Variants in PPARGC1A observed in about 807,000 individuals in gnomAD.
PPARGC1A encodes the protein peroxisome proliferator-activated receptor gamma coactivator 1-alpha.
A neutral mutation model predicts 88.7 loss-of-function variants in PPARGC1A; 25 were observed. The ratio of observed to expected loss-of-function variants is 0.28; its 90% CI spans 0.21 to 0.39. PPARGC1A has a LOEUF of 0.39. PPARGC1A is among the 10% of genes least tolerant of loss of function. The pLI, the probability that PPARGC1A is intolerant of heterozygous loss-of-function variation, is 1.00. For missense variants in PPARGC1A, 880 were observed against 968.7 expected (o/e 0.91, Z 1.22); for synonymous variants, 363 against 355.6 (o/e 1.02, Z -0.24).
chr4:24,378,077 C>A, the PPARGC1A span, among the ~76,000 whole-genome samples: 1 of 152,210 alleles, frequency 6.6e-6, no homozygotes, highest in African/African-American at 2.4e-5. Context: ...TGGCTCACAC[C>A]TGTAATACCA....
At chr4:23,902,055 G>A (rs1719469246), upstream of PPARGC1A, among the ~76,000 whole-genome samples, 1 of 151,610 alleles carries the variant, frequency 6.6e-6, no homozygotes, top group South Asian at 2.1e-4. Flanking sequence ...AATATACCTG[G>A]AATTTCAATC....
the PPARGC1A span, among the ~76,000 whole-genome samples, chr4:23,942,974 A>C: frequency 6.6e-6 from 1 of 152,220 alleles, no homozygotes; most frequent in African/African-American, 2.4e-5. Flanking sequence ...AGTGGAATAA[A>C]TATAAGTACA....
At chr4:23,935,027 G>A in the PPARGC1A span, among the ~76,000 whole-genome samples, 10 of 152,168 alleles carry the variant, frequency 6.6e-5, no homozygotes, top group Non-Finnish European at 2.9e-5. Context: ...CAAGCTCGAG[G>A]TTCTGCTCAC....
intron 10 of PPARGC1A, 77 bp downstream of exon 10, chr4:23,812,670 T>G: frequency 1.3e-6 from 2 of 1,591,036 alleles, no homozygotes; most frequent in African/African-American, 1.4e-5. Context: ...GTTTATTTTC[T>G]AATCTATCAC....
chr4:24,438,493 A>G, the PPARGC1A span, among the ~76,000 whole-genome samples: 1 of 152,236 alleles, frequency 6.6e-6, no homozygotes, highest in African/African-American at 2.4e-5. Flanking sequence ...TTTATTCCCA[A>G]TAATAATATT....
At chr4:24,296,191 ATGTGTGTG>A in the PPARGC1A span, among the ~76,000 whole-genome samples, 21 of 147,652 alleles carry the variant, frequency 1.4e-4, no homozygotes, top group African/African-American at 5.1e-4. Flanking sequence ...GTATGTGTGT[ATGTGTGTG>A]TGTGTATATA....
chr4:24,194,668 A>ACC, the PPARGC1A span, among the ~76,000 whole-genome samples: 6 of 12,282 alleles, frequency 4.9e-4, no homozygotes, highest in Non-Finnish European at 8.9e-4. Flanking sequence ...ACACACACAC[A>ACC]CCCCCATCAA....
At chr4:24,194,037 G>A in the PPARGC1A span, among the ~76,000 whole-genome samples, 3 of 146,952 alleles carry the variant, frequency 2.0e-5, no homozygotes, top group East Asian at 2.0e-4. Context: ...GCTGAGGCAG[G>A]AGAATCGCTT....
At chr4:24,147,282 C>T in the PPARGC1A span, among the ~76,000 whole-genome samples, 133 of 152,258 alleles carry the variant, frequency 8.7e-4, no homozygotes, top group South Asian at 2.9e-3. Flanking sequence ...ACCGGAAGGT[C>T]GGGTTGATCA....
At chr4:23,798,207 C>A (rs1717994052) in intron 12 of PPARGC1A, among the ~76,000 whole-genome samples, 1 of 152,168 alleles carries the variant, frequency 6.6e-6, no homozygotes, top group Admixed American at 6.5e-5. Flanking sequence ...TTACTGCTCA[C>A]ACAAAGCCTG....
At chr4:24,037,802 C>T in the PPARGC1A span, among the ~76,000 whole-genome samples, 1 of 152,248 alleles carries the variant, frequency 6.6e-6, no homozygotes, top group Middle Eastern at 3.4e-3. Context: ...CACAGTATAG[C>T]TCCTTTATCC....
chr4:24,129,764 A>G, the PPARGC1A span, among the ~76,000 whole-genome samples: 1 of 152,188 alleles, frequency 6.6e-6, no homozygotes, highest in Non-Finnish European at 1.5e-5. Flanking sequence ...CATCAATGAC[A>G]GACTGGATTA....
the PPARGC1A span, among the ~76,000 whole-genome samples, chr4:24,442,668 A>C: frequency 6.6e-6 from 1 of 152,182 alleles, no homozygotes; most frequent in Non-Finnish European, 1.5e-5. Context: ...TGCCACATAC[A>C]TTTATTTTTA....
chr4:24,414,709 A>G, the PPARGC1A span, among the ~76,000 whole-genome samples: 1 of 152,192 alleles, frequency 6.6e-6, no homozygotes. Flanking sequence ...GGTGCTGAGA[A>G]GCACTGTGCA....
At chr4:24,164,131 T>G in the PPARGC1A span, among the ~76,000 whole-genome samples, 4 of 152,220 alleles carry the variant, frequency 2.6e-5, no homozygotes, top group African/African-American at 9.6e-5. Context: ...TTTTCTTCTC[T>G]GATATTAGCT....
At chr4:23,826,748 G>A (rs1181950465) in intron 5 of PPARGC1A, among the ~76,000 whole-genome samples, 1 of 152,024 alleles carries the variant, frequency 6.6e-6, no homozygotes, top group Non-Finnish European at 1.5e-5. Flanking sequence ...TCTGGGGTGA[G>A]CGTTTTGTAC....
chr4:23,968,732 T>C, the PPARGC1A span, among the ~76,000 whole-genome samples: 1 of 152,088 alleles, frequency 6.6e-6, no homozygotes, highest in African/African-American at 2.4e-5. Flanking sequence ...CTGGCCAACA[T>C]GGTGAAATCA....
At chr4:24,341,925 G>A in the PPARGC1A span, among the ~76,000 whole-genome samples, 3 of 152,162 alleles carry the variant, frequency 2.0e-5, no homozygotes, top group African/African-American at 7.2e-5. Flanking sequence ...AACAAGCAGG[G>A]GAGCAGCCTA....
chr4:24,174,293 C>G, the PPARGC1A span, among the ~76,000 whole-genome samples: 1 of 152,186 alleles, frequency 6.6e-6, no homozygotes, highest in African/African-American at 2.4e-5. Flanking sequence ...CCACCTTAAC[C>G]TGACCATAAG....
Sources: allele counts gnomAD v4.1 joint callset (sites outside exome capture counted in the v4.1 genomes callset), GRCh38; gene constraint gnomAD v4.1.1; transcripts MANE v1.5; gene names NCBI Gene and HGNC (gene_info 2026-07-23, HGNC 2026-07-21).